The following EIPR1 variants were observed in gnomAD, a reference collection of about 807,000 sequenced individuals.
EIPR1 encodes EARP complex and GARP complex interacting protein 1, also known as EARP and GARP complex-interacting protein 1.
In EIPR1, 25 loss-of-function variants were observed where a neutral mutation model predicts 48.1. That is an observed-to-expected ratio of 0.52 (90% CI 0.38 to 0.73). The LOEUF is 0.73. EIPR1 is among the 30% of genes least tolerant of loss of function. The probability of loss-of-function intolerance (pLI) is 0.00; values close to 1 mark genes in which losing one functional copy is unlikely to be tolerated. For missense variants in EIPR1, 415 were observed against 506.2 expected (o/e 0.82, Z 1.73); for synonymous variants, 204 against 201.9 (o/e 1.01, Z -0.09).
intron 4 of EIPR1, among the ~76,000 whole-genome samples, chr2:3,230,592 C>T (rs1666211961): frequency 6.6e-6 from 1 of 152,162 alleles, no homozygotes; most frequent in Non-Finnish European, 1.5e-5. Flanking sequence ...CACAACTATA[C>T]CATTTATTGA....
intron 2 of EIPR1, among the ~76,000 whole-genome samples, chr2:3,347,172 C>T (rs1229579633): frequency 1.3e-5 from 2 of 152,132 alleles, no homozygotes; most frequent in Non-Finnish European, 1.5e-5. Flanking sequence ...CCTGTATGGC[C>T]TGCAGAACCA....
At chr2:3,198,943 C>T (rs1664905045) in intron 5 of EIPR1, among the ~76,000 whole-genome samples, 2 of 151,604 alleles carry the variant, frequency 1.3e-5, no homozygotes, top group African/African-American at 4.8e-5. Flanking sequence ...CTAGAATTCG[C>T]CAGGCTGGAA....
chr2:3,267,301 C>T (rs188562782), intron 3 of EIPR1, among the ~76,000 whole-genome samples: 5 of 152,342 alleles, frequency 3.3e-5, no homozygotes, highest in Non-Finnish European at 7.3e-5. Context: ...ATTCCCTCAC[C>T]TGTGAAAATA....
At chr2:3,220,293 G>A (rs746360771) in intron 4 of EIPR1, among the ~76,000 whole-genome samples, 1 of 151,800 alleles carries the variant, frequency 6.6e-6, no homozygotes, top group African/African-American at 2.4e-5. Flanking sequence ...CACAATGGCC[G>A]AGGTATACAC....
chr2:3,295,083 CA>C (rs1668509673), intron 3 of EIPR1, among the ~76,000 whole-genome samples: 1 of 147,488 alleles, frequency 6.8e-6, no homozygotes. Flanking sequence ...CCATCCAGCC[CA>C]TCCTCTTTCC....
chr2:3,202,154 G>C (rs760811847), intron 5 of EIPR1, among the ~76,000 whole-genome samples: 1 of 152,144 alleles, frequency 6.6e-6, no homozygotes, highest in Non-Finnish European at 1.5e-5. Context: ...AGCCAGGATG[G>C]TCTCGATCTT....
intron 1 of EIPR1, among the ~76,000 whole-genome samples, chr2:3,363,063 G>A (rs557120503): frequency 6.6e-6 from 1 of 152,296 alleles, no homozygotes; most frequent in Admixed American, 6.5e-5. Context: ...TGGGCTTGGG[G>A]TAAATGACAG....
intron 5 of EIPR1, among the ~76,000 whole-genome samples, chr2:3,203,040 C>T (rs1374942629): frequency 6.6e-6 from 1 of 152,176 alleles, no homozygotes; most frequent in Non-Finnish European, 1.5e-5. Flanking sequence ...AAATACAACT[C>T]GTTATCAGTT....
At position 3,197,027 on chromosome 2, in the gene EIPR1, T is replaced by C; in HGVS notation, c.517-10A>G. 1 of 1,612,832 alleles carries C rather than the reference T, an allele frequency of 6.2e-7. No homozygotes were observed. The highest frequency in any genetic ancestry group is 8.5e-7 in the Non-Finnish European group (1 of 1,179,654). The stretch of plus-strand genomic sequence containing the variant: ...ACGCTGAGCTGGCCAGCTGGGAGTG[T>C]CACGATGTTTTCCAAAGGAAGAAGA... On this transcript the variant is annotated splice_polypyrimidine_tract_variant and intron_variant, in intron 5 of 8. Transcript: ENST00000382125.
chr2:3,334,609 C>T (rs758934100), intron 3 of EIPR1, among the ~76,000 whole-genome samples: 3 of 152,222 alleles, frequency 2.0e-5, no homozygotes, highest in African/African-American at 4.8e-5. Context: ...CTTCGAAGGG[C>T]GAAGAGCCAG....
At chr2:3,274,930 A>G (rs897346108) in intron 3 of EIPR1, among the ~76,000 whole-genome samples, 1 of 152,138 alleles carries the variant, frequency 6.6e-6, no homozygotes, top group African/African-American at 2.4e-5. Flanking sequence ...CTAAAATAAT[A>G]CAGTAAGAGA....
intron 1 of EIPR1, among the ~76,000 whole-genome samples, chr2:3,376,520 G>A (rs141825574): frequency 2.0e-5 from 3 of 152,054 alleles, no homozygotes; most frequent in Non-Finnish European, 2.9e-5. Flanking sequence ...GTGAAACCCC[G>A]TATCTACTAA....
At chr2:3,356,558 G>A (rs1350470595) in intron 1 of EIPR1, among the ~76,000 whole-genome samples, 1 of 152,170 alleles carries the variant, frequency 6.6e-6, no homozygotes, top group African/African-American at 2.4e-5. Flanking sequence ...AGTTCCCGTG[G>A]CCAGCATAAT....
At chr2:3,362,136 G>A (rs539402689) in intron 1 of EIPR1, among the ~76,000 whole-genome samples, 1 of 152,268 alleles carries the variant, frequency 6.6e-6, no homozygotes, top group Admixed American at 6.5e-5. Context: ...CTCAACTACC[G>A]TTCTGGTCCC....
intron 3 of EIPR1, among the ~76,000 whole-genome samples, chr2:3,308,115 C>T (rs929313482): frequency 2.6e-5 from 4 of 152,186 alleles, no homozygotes; most frequent in Non-Finnish European, 5.9e-5. Context: ...AGAATGAGGC[C>T]CACTTGCACA....
chr2:3,334,613 G>A (rs1284416674), intron 3 of EIPR1, among the ~76,000 whole-genome samples: 1 of 152,248 alleles, frequency 6.6e-6, no homozygotes, highest in African/African-American at 2.4e-5. Flanking sequence ...GAAGGGCGAA[G>A]AGCCAGGTTA....
At chr2:3,368,008 G>C (rs371371551) in intron 1 of EIPR1, among the ~76,000 whole-genome samples, 1 of 152,162 alleles carries the variant, frequency 6.6e-6, no homozygotes, top group African/African-American at 2.4e-5. Flanking sequence ...TCGCGCCACT[G>C]CACTCCAGCC....
chr2:3,248,401 C>T (rs1180530542), intron 4 of EIPR1, among the ~76,000 whole-genome samples: 1 of 152,328 alleles, frequency 6.6e-6, no homozygotes, highest in Middle Eastern at 3.4e-3. Context: ...CGAGACCAGC[C>T]TGGCCAACAT....
At chr2:3,251,509 C>T (rs188062723) in intron 4 of EIPR1, among the ~76,000 whole-genome samples, 1 of 152,270 alleles carries the variant, frequency 6.6e-6, no homozygotes, top group Admixed American at 6.5e-5. Flanking sequence ...AAGGCCTCAA[C>T]AGAAATGACT....
Sources: gnomAD v4.1 joint callset for allele counts (sites outside exome capture counted in the v4.1 genomes callset) on GRCh38, gnomAD v4.1.1 for gene constraint, MANE v1.5 for transcripts, NCBI Gene and HGNC (gene_info 2026-07-23, HGNC 2026-07-21) for gene names.